Variants in TATDN3 observed in about 807,000 individuals in gnomAD.
The protein encoded by TATDN3 is TatD DNase domain containing 3.
TATDN3 carries 29 observed loss-of-function variants against 40.1 expected under a neutral mutation model. The ratio of observed to expected loss-of-function variants is 0.72; its 90% CI spans 0.54 to 0.99. TATDN3 has a LOEUF of 0.99. Among genes scored for constraint, TATDN3 ranks in the 50% least tolerant of loss-of-function variants. The pLI is 0.00. For missense variants in TATDN3, 309 were observed against 321.9 expected (o/e 0.96, Z 0.31); for synonymous variants, 105 against 117.0 (o/e 0.90, Z 0.66).
chr1:212,796,702 T>C (rs553038516), intron 3 of TATDN3, 112 bp downstream of exon 3: 1 of 735,520 alleles, frequency 1.4e-6, no homozygotes, highest in Admixed American at 2.9e-5. Context: ...AAAAAGCATT[T>C]TAACATAGCC....
At chr1:212,798,290 C>T (rs1037108812) in intron 4 of TATDN3, among the ~76,000 whole-genome samples, 1 of 151,914 alleles carries the variant, frequency 6.6e-6, no homozygotes, top group African/African-American at 2.4e-5. Context: ...TGCTCCAGTG[C>T]ACTCCAGCCT....
chr1:212,814,927 C>G (rs1663104507), intron 9 of TATDN3, 86 bp from the exon 10 acceptor site: 3 of 1,425,982 alleles, frequency 2.1e-6, no homozygotes. Flanking sequence ...TTGTTTTTAC[C>G]AACTCATTTT....
rs774300955 is a variant in TATDN3 at position 212,815,055 on chromosome 1, A to G, written c.724A>G (p.Ile242Val). The change falls in exon 10 of 10, where the codon ATT (isoleucine) becomes GTT (valine). Residue 242 changes from isoleucine to valine, a missense_variant. Physicochemically the swap from Ile to Val is conservative, Grantham distance 29. Coordinates refer to ENST00000366974, the MANE Select transcript of TATDN3 (RefSeq NM_001042552.3). ...PWNISISAEY[I>V]AQVKGISVEE... The stretch of plus-strand genomic sequence containing the variant: ...GAACATTTCTATTTCAGCAGAATAT[A>G]TTGCCCAGGTGAAAGGGATCTCAGT... The G allele has an allele frequency of 3.7e-6, 6 of 1,614,090 alleles. No individual in the cohort carries two copies. Among genetic ancestry groups the G allele is most frequent in the African/African-American group, 1.3e-5 (1 of 75,016 alleles).
At chr1:212,812,199 A>G (rs368338469) in intron 8 of TATDN3, 49 bp from the exon 9 acceptor site, 6 of 1,188,646 alleles carry the variant, frequency 5.0e-6, no homozygotes, top group Non-Finnish European at 2.4e-6. Flanking sequence ...AATGCTCTTT[A>G]TCTTTATTTC....
intron 4 of TATDN3, among the ~76,000 whole-genome samples, chr1:212,800,798 T>C (rs1485313392): frequency 1.3e-5 from 2 of 152,128 alleles, no homozygotes; most frequent in Non-Finnish European, 2.9e-5. Flanking sequence ...GGCACATTAC[T>C]TACCTTTGCC....
intron 8 of TATDN3, among the ~76,000 whole-genome samples, chr1:212,810,328 T>C (rs564094407): frequency 1.3e-5 from 2 of 151,900 alleles, no homozygotes; most frequent in Admixed American, 1.3e-4. Context: ...CTGGCTCACA[T>C]GGTGAAACCC....
chr1:212,806,744 CTCCAT>C (rs1662498711), intron 7 of TATDN3, among the ~76,000 whole-genome samples: 5 of 72,066 alleles, frequency 6.9e-5, no homozygotes, highest in African/African-American at 3.1e-4. Flanking sequence ...CTCTCTCTCT[CTCCAT>C]ATATATATAT....
At chr1:212,793,838 G>A (rs1318446058) in intron 1 of TATDN3, among the ~76,000 whole-genome samples, 1 of 152,170 alleles carries the variant, frequency 6.6e-6, no homozygotes, top group African/African-American at 2.4e-5. Flanking sequence ...CTGAGGTGGA[G>A]GTGGGGAGGT....
intron 4 of TATDN3, chr1:212,797,402 C>A (rs1163796402): frequency 1.1e-5 from 6 of 538,496 alleles, no homozygotes; most frequent in African/African-American, 7.6e-5. Context: ...ACAAAGGAAT[C>A]ATTAGTTAAG....
intron 8 of TATDN3, among the ~76,000 whole-genome samples, chr1:212,810,003 G>A (rs1419408621): frequency 6.6e-6 from 1 of 152,026 alleles, no homozygotes; most frequent in Non-Finnish European, 1.5e-5. Context: ...CAGCCTGGGC[G>A]ACAGAGACTC....
intron 8 of TATDN3, among the ~76,000 whole-genome samples, chr1:212,811,710 A>ATT (rs879759579): frequency 6.8e-6 from 1 of 146,512 alleles, no homozygotes. Flanking sequence ...TATTATTATT[A>ATT]TTTTTTTTTT....
Position 212,811,047 on chromosome 1 carries a change from A to G in TATDN3, c.601-1201A>G, listed in dbSNP as rs1662841853. Among the ~76,000 whole-genome samples the G allele has an allele frequency of 3.9e-5, 6 of 151,964 alleles. No homozygotes were observed. In the South Asian group the frequency reaches 1.2e-3, roughly 32 times the overall value. On this transcript the variant is annotated intron_variant, in intron 8 of 9. Transcript: ENST00000366974. ...GCCCAGGCTGGGGTGCAGTGATGTG[A>G]TCTTGTCTCACTGCAATCTCCGCCT...
chr1:212,812,735 G>T (rs1662961729), intron 9 of TATDN3, among the ~76,000 whole-genome samples: 1 of 152,144 alleles, frequency 6.6e-6, no homozygotes, highest in African/African-American at 2.4e-5. Flanking sequence ...GGGCACGGTG[G>T]CTCACACCTG....
chr1:212,803,677 T>G (rs184317325), intron 5 of TATDN3, among the ~76,000 whole-genome samples: 2 of 151,752 alleles, frequency 1.3e-5, no homozygotes, highest in Non-Finnish European at 2.9e-5. Context: ...ATGTGACTGC[T>G]CTGAATTAAG....
intron 7 of TATDN3, 119 bp downstream of exon 7, chr1:212,804,770 G>A (rs1662359581): frequency 1.2e-6 from 1 of 800,502 alleles, no homozygotes; most frequent in Non-Finnish European, 2.0e-6. Flanking sequence ...CAAGAAGGGG[G>A]GCAGAAATCA....
At chr1:212,811,229 G>A (rs1054771922) in intron 8 of TATDN3, among the ~76,000 whole-genome samples, 3 of 151,670 alleles carry the variant, frequency 2.0e-5, no homozygotes, top group Non-Finnish European at 2.9e-5. Context: ...TCTGCCTCCC[G>A]GGTTCAAGTG....
rs188780729 is a variant in TATDN3 at position 212,808,438 on chromosome 1, T to C, written c.600+590T>C. Among the ~76,000 whole-genome samples the C allele has an allele frequency of 1.4e-3, 207 of 152,192 alleles. 1 individual carries two copies. The highest frequency in any genetic ancestry group is 2.6e-4 in the Non-Finnish European group (18 of 68,018). The stretch of plus-strand genomic sequence containing the variant: ...TAAGCAACCAAAGAAAAAAACAAAT[T>C]TATTGGACATAATCAAAATTTAAAA... On this transcript the variant is annotated intron_variant, in intron 8 of 9. Coordinates refer to ENST00000366974, the MANE Select transcript of TATDN3 (RefSeq NM_001042552.3).
intron 9 of TATDN3, among the ~76,000 whole-genome samples, chr1:212,812,837 T>C (rs944863299): frequency 3.9e-5 from 6 of 152,086 alleles, no homozygotes; most frequent in African/African-American, 1.4e-4. Flanking sequence ...ACCCTGTCTC[T>C]ACTAAAAATA....
At chr1:212,809,751 C>G (rs1484180741) in intron 8 of TATDN3, among the ~76,000 whole-genome samples, 1 of 151,300 alleles carries the variant, frequency 6.6e-6, no homozygotes, top group Non-Finnish European at 1.5e-5. Context: ...GGGCTAGGCA[C>G]TGTGGCTCAC....
Sources: gnomAD v4.1 joint callset for allele counts (sites outside exome capture counted in the v4.1 genomes callset) on GRCh38, gnomAD v4.1.1 for gene constraint, MANE v1.5 for transcripts, NCBI Gene and HGNC (gene_info 2026-07-23, HGNC 2026-07-21) for gene names.